CDKAL1: variants seen among roughly 807,000 people sequenced by gnomAD.
CDKAL1 encodes threonylcarbamoyladenosine tRNA methylthiotransferase.
CDKAL1 carries 32 observed loss-of-function variants against 68.2 expected under a neutral mutation model. The ratio of observed to expected loss-of-function variants is 0.47; its 90% CI spans 0.35 to 0.63. The LOEUF (loss-of-function observed/expected upper bound fraction) is 0.63, where lower values mean the gene tolerates loss of function less well. CDKAL1 is among the 30% of genes least tolerant of loss of function. The probability of loss-of-function intolerance (pLI) is 0.00; values close to 1 mark genes in which losing one functional copy is unlikely to be tolerated. For missense variants in CDKAL1, 606 were observed against 696.7 expected (o/e 0.87, Z 1.47); for synonymous variants, 234 against 244.3 (o/e 0.96, Z 0.39).
At chr6:21,216,245 A>G (rs979341591) in intron 15 of CDKAL1, among the ~76,000 whole-genome samples, 20 of 152,228 alleles carry the variant, frequency 1.3e-4, no homozygotes, top group African/African-American at 4.8e-4. Flanking sequence ...CAGCAATTGG[A>G]AACTAATTGG....
Position 20,540,582 on chromosome 6 carries a change from A to C in CDKAL1, c.-6+5188A>C, listed in dbSNP as rs377510227. Among the ~76,000 whole-genome samples, 13 of 151,772 alleles carry C rather than the reference A, an allele frequency of 8.6e-5. No individual in the cohort carries two copies. The East Asian group carries it at 1.6e-3, about 18-fold the overall frequency. ...GCGGTTCTTCTGTTTCAGTCTCCCG[A>C]GTAGGTGGGATTGCAGGTGCCCACC... On this transcript the variant is annotated intron_variant, in intron 2 of 15. Transcript: ENST00000274695.
rs369402670 is a variant in CDKAL1, at chr6:21,005,591, G to GT, written c.1055+5224dup. The stretch of plus-strand genomic sequence containing the variant: ...TTTGAATGAATTAATAAACGGTTTT[G>GT]TTTTTACCTGCAAGTTGCATGGATC... On this transcript the variant is annotated intron_variant, in intron 11 of 15. Transcript: ENST00000274695. Among the ~76,000 whole-genome samples the GT allele has an allele frequency of 4.3e-3, 651 of 152,256 alleles. 4 individuals carry two copies. The highest frequency in any genetic ancestry group is 0.015 in the African/African-American group (618 of 41,552).
chr6:21,194,060 A>G (rs144259518), intron 13 of CDKAL1, among the ~76,000 whole-genome samples: 12 of 152,366 alleles, frequency 7.9e-5, no homozygotes, highest in African/African-American at 2.6e-4. Context: ...GCAGCCTCAC[A>G]TTATAACACC....
In CDKAL1 at chr6:21,201,291, C is replaced by T; in HGVS notation, c.1548+17C>T. 6.3e-7 allele frequency: 1 copy of T among 1,592,784 alleles called. No homozygotes were observed. Among genetic ancestry groups the T allele is most frequent in the Non-Finnish European group, 8.6e-7 (1 of 1,163,154 alleles). ...TTGACAAAGGTAAGTAAAAGATGCT[C>T]TCCTCTCTACCCTGCTAGTAAAACA... is the stretch of plus-strand genomic sequence containing the variant. On this transcript the variant is annotated intron_variant, in intron 15 of 15. Transcript: ENST00000274695.
At chr6:21,082,311 G>A (rs1772449174) in intron 12 of CDKAL1, among the ~76,000 whole-genome samples, 1 of 151,750 alleles carries the variant, frequency 6.6e-6, no homozygotes, top group South Asian at 2.1e-4. Context: ...ATGTTAATAT[G>A]TGCCAGAAAC....
chr6:21,171,909 T>C (rs1777403421), intron 13 of CDKAL1, among the ~76,000 whole-genome samples: 1 of 152,212 alleles, frequency 6.6e-6, no homozygotes, highest in Non-Finnish European at 1.5e-5. Flanking sequence ...ATTTTGCTTA[T>C]ATTTCATCCA....
At chr6:21,012,740 C>G (rs1206127015) in intron 11 of CDKAL1, among the ~76,000 whole-genome samples, 1 of 152,110 alleles carries the variant, frequency 6.6e-6, no homozygotes, top group South Asian at 2.1e-4. Flanking sequence ...AGTCCTTTGT[C>G]CTCTGTTGCT....
At chr6:21,023,099 A>C (rs1360417795) in intron 11 of CDKAL1, among the ~76,000 whole-genome samples, 1 of 149,982 alleles carries the variant, frequency 6.7e-6, no homozygotes, top group Non-Finnish European at 1.5e-5. Context: ...TTTTTTTTTT[A>C]AGTTTGAAGA....
intron 5 of CDKAL1, among the ~76,000 whole-genome samples, chr6:20,710,393 A>G (rs966106789): frequency 3.9e-5 from 6 of 152,174 alleles, no homozygotes; most frequent in Non-Finnish European, 5.9e-5. Flanking sequence ...CATGCTGTAT[A>G]GATGTGTAGC....
At chr6:20,802,074 C>T (rs968730799) in intron 8 of CDKAL1, among the ~76,000 whole-genome samples, 2 of 151,820 alleles carry the variant, frequency 1.3e-5, no homozygotes, top group African/African-American at 2.4e-5. Flanking sequence ...CCGAGGTGGG[C>T]GGATCACAAG....
chr6:21,004,080 T>G (rs1425997067), intron 11 of CDKAL1, among the ~76,000 whole-genome samples: 3 of 152,206 alleles, frequency 2.0e-5, no homozygotes, highest in Non-Finnish European at 4.4e-5. Flanking sequence ...TTTCCTGATC[T>G]GTTTCCTTAA....
intron 4 of CDKAL1, among the ~76,000 whole-genome samples, chr6:20,629,849 C>T (rs538182106): frequency 9.9e-5 from 15 of 151,868 alleles, no homozygotes; most frequent in African/African-American, 2.2e-4. Context: ...TTACCCTGCT[C>T]ATACTTTTTT....
At chr6:20,580,531 CAG>C (rs1473483222) in intron 4 of CDKAL1, among the ~76,000 whole-genome samples, 3 of 152,092 alleles carry the variant, frequency 2.0e-5, no homozygotes, top group Non-Finnish European at 1.5e-5. Context: ...TCTCTAGACT[CAG>C]GGCTTCAGAG....
chr6:20,909,466 G>A (rs1485478269), intron 9 of CDKAL1, among the ~76,000 whole-genome samples: 1 of 152,116 alleles, frequency 6.6e-6, no homozygotes, highest in African/African-American at 2.4e-5. Flanking sequence ...TGCTTTAAAA[G>A]GCCGCTAGTT....
intron 9 of CDKAL1, among the ~76,000 whole-genome samples, chr6:20,925,515 A>C (rs972394709): frequency 6.6e-6 from 1 of 152,168 alleles, no homozygotes; most frequent in Non-Finnish European, 1.5e-5. Context: ...AAATAACAAT[A>C]CCTTGCTTAA....
chr6:20,839,987 A>G (rs558664053), intron 8 of CDKAL1, among the ~76,000 whole-genome samples: 1 of 152,234 alleles, frequency 6.6e-6, no homozygotes, highest in Non-Finnish European at 1.5e-5. Flanking sequence ...TGAGATAAGC[A>G]TGCAACTAAT....
chr6:21,203,859 G>A (rs1778792878), intron 15 of CDKAL1, among the ~76,000 whole-genome samples: 1 of 152,008 alleles, frequency 6.6e-6, no homozygotes, highest in African/African-American at 2.4e-5. Flanking sequence ...ACCACACCCG[G>A]CTAATCACTT....
chr6:21,091,701 T>A (rs1345405557), intron 12 of CDKAL1, among the ~76,000 whole-genome samples: 1 of 152,122 alleles, frequency 6.6e-6, no homozygotes, highest in African/African-American at 2.4e-5. Flanking sequence ...GCAGCTAGAA[T>A]GCTGGCAGTC....
In CDKAL1 at chr6:21,096,225, A is replaced by G. The variant is rs951206268; in HGVS notation, c.1237-12176A>G. 2.6e-5 allele frequency among the ~76,000 whole-genome samples: 4 copies of G among 152,172 alleles called. No individual in the cohort carries two copies. In the South Asian group the frequency reaches 8.3e-4, roughly 32 times the overall value. ...TTATTCGGGGTAGGGAGGGAGATGCATTGGCTTTGATCAGTTTTTAGAACT... is the reference window on the plus strand; with the variant it reads ...TTATTCGGGGTAGGGAGGGAGATGCGTTGGCTTTGATCAGTTTTTAGAACT... On this transcript the variant is annotated intron_variant, in intron 12 of 15. Transcript: ENST00000274695.
Sources: gnomAD v4.1 joint callset for allele counts (sites outside exome capture counted in the v4.1 genomes callset) on GRCh38, gnomAD v4.1.1 for gene constraint, MANE v1.5 for transcripts, NCBI Gene and HGNC (gene_info 2026-07-23, HGNC 2026-07-21) for gene names.